Variants in SCN9A observed in about 807,000 individuals in gnomAD.
SCN9A encodes sodium voltage-gated channel alpha subunit 9, also known as sodium channel protein type 9 subunit alpha.
SCN9A carries 131 observed loss-of-function variants against 187.0 expected under a neutral mutation model. The ratio of observed to expected loss-of-function variants is 0.70; its 90% CI spans 0.61 to 0.81. SCN9A has a LOEUF of 0.81. SCN9A is among the 30% of genes least tolerant of loss of function. The pLI, the probability that SCN9A is intolerant of heterozygous loss-of-function variation, is 0.00. For synonymous variants in SCN9A, 809 were observed against 808.6 expected, an observed-to-expected ratio of 1.00 and a Z score of -0.01; for missense variants, 2,252 against 2,396.6, an observed-to-expected ratio of 0.94 and a Z score of 1.26.
intron 1 of SCN9A, among the ~76,000 whole-genome samples, chr2:166,346,129 G>A (rs12999243): frequency 0.21 from 31,244 of 151,968 alleles, 4,017 homozygotes; most frequent in African/African-American, 0.36. Context: ...TTACCACTTC[G>A]TGAAAAGAGT....
chr2:166,227,394 T>C (rs1164820592), intron 23 of SCN9A, among the ~76,000 whole-genome samples: 6 of 152,162 alleles, frequency 3.9e-5, no homozygotes, highest in Admixed American at 2.6e-4. Flanking sequence ...GATAGATTCA[T>C]TAAATTATAG....
chr2:166,263,505 A>G (rs771961420), intron 17 of SCN9A, among the ~76,000 whole-genome samples: 2 of 151,970 alleles, frequency 1.3e-5, no homozygotes, highest in Non-Finnish European at 2.9e-5. Context: ...GTTCAAATTT[A>G]TGATGCCACC....
chr2:166,286,015 A>C (rs894505487), intron 11 of SCN9A, among the ~76,000 whole-genome samples: 3 of 152,200 alleles, frequency 2.0e-5, no homozygotes, highest in African/African-American at 7.2e-5. Flanking sequence ...CACAGACTAA[A>C]TACAAATATA....
chr2:166,231,489 T>G lies in SCN9A; in HGVS notation c.3924+1851A>C, dbSNP rs116127297. 5.6e-3 allele frequency among the ~76,000 whole-genome samples: 851 copies of G among 151,892 alleles called. 10 individuals are homozygous for G. The highest frequency in any genetic ancestry group is 0.02 in the African/African-American group (813 of 41,380). ...CTTGAGGCTGGTTAAAACCCAAGTT[T>G]CTTATCCCCATCCTGGAGTTTCTGA... On this transcript the variant is annotated intron_variant, in intron 21 of 26. Coordinates refer to ENST00000642356, the MANE Select transcript of SCN9A (RefSeq NM_001365536.1).
At chr2:166,295,609 C>T (rs1698264792) in intron 7 of SCN9A, among the ~76,000 whole-genome samples, 3 of 152,116 alleles carry the variant, frequency 2.0e-5, no homozygotes, top group African/African-American at 7.2e-5. Flanking sequence ...TATGAGATCA[C>T]CATTATATAT....
intron 1 of SCN9A, among the ~76,000 whole-genome samples, chr2:166,321,666 A>G (rs1293700568): frequency 1.3e-5 from 2 of 152,154 alleles, no homozygotes; most frequent in Non-Finnish European, 2.9e-5. Flanking sequence ...GAGAGAAGGA[A>G]GATGATAAAC....
chr2:166,265,117 TAA>T (rs1251839614), intron 17 of SCN9A, among the ~76,000 whole-genome samples: 2 of 151,968 alleles, frequency 1.3e-5, no homozygotes, highest in Non-Finnish European at 2.9e-5. Flanking sequence ...ACATTATGGT[TAA>T]CTCTAGTCAT....
intron 10 of SCN9A, among the ~76,000 whole-genome samples, chr2:166,288,058 T>C (rs1160212026): frequency 1.4e-5 from 2 of 146,076 alleles, no homozygotes; most frequent in African/African-American, 5.0e-5. Context: ...TTCCTCATGA[T>C]ATAATAATTT....
intron 1 of SCN9A, among the ~76,000 whole-genome samples, chr2:166,320,888 C>A (rs1451562545): frequency 6.6e-6 from 1 of 151,964 alleles, no homozygotes; most frequent in Non-Finnish European, 1.5e-5. Flanking sequence ...GGCTATTGAC[C>A]AGGGTATACA....
chr2:166,272,015 G>C (rs2106459434), intron 17 of SCN9A, among the ~76,000 whole-genome samples: 1 of 152,208 alleles, frequency 6.6e-6, no homozygotes, highest in Admixed American at 6.5e-5. Context: ...GGCATCAGTT[G>C]AGACTCTGCT....
chr2:166,319,802 A>C (rs1699194309), intron 1 of SCN9A, among the ~76,000 whole-genome samples: 1 of 152,146 alleles, frequency 6.6e-6, no homozygotes, highest in African/African-American at 2.4e-5. Flanking sequence ...ATAGCTTACA[A>C]AAATTGAGAG....
At chr2:166,292,534 A>C (rs960297423) in intron 9 of SCN9A, among the ~76,000 whole-genome samples, 1 of 152,072 alleles carries the variant, frequency 6.6e-6, no homozygotes, top group Non-Finnish European at 1.5e-5. Flanking sequence ...AGAAAAAAAA[A>C]CAGATCTGCA....
intron 7 of SCN9A, among the ~76,000 whole-genome samples, chr2:166,297,220 A>AAAAAAAAAAAAAAAAAAAG (rs1698352237): frequency 6.9e-6 from 1 of 144,794 alleles, no homozygotes; most frequent in Non-Finnish European, 1.5e-5. Context: ...AAAAAAAAAA[A>AAAAAAAAAAAAAAAAAAAG]AAAAAAAGAA....
chr2:166,323,505 A>G (rs1195279743), intron 1 of SCN9A, among the ~76,000 whole-genome samples: 1 of 152,078 alleles, frequency 6.6e-6, no homozygotes, highest in African/African-American at 2.4e-5. Flanking sequence ...AAAATTGTAA[A>G]TCCTCTAAAA....
chr2:166,206,652 T>G (rs1558947800), intron 24 of SCN9A, among the ~76,000 whole-genome samples: 1 of 152,072 alleles, frequency 6.6e-6, no homozygotes, highest in Non-Finnish European at 1.5e-5. Context: ...CCCTAGAACT[T>G]AAAGTATAAT....
rs1553489765 is a variant in SCN9A, at chr2:166,284,555, G to C, written c.1872C>G (p.Cys624Trp). 6.2e-7 allele frequency: 1 copy of C among 1,614,048 alleles called. No homozygotes were observed. Among genetic ancestry groups the C allele is most frequent in the African/African-American group, 1.3e-5 (1 of 74,922 alleles). The change falls in exon 12 of 27, where the codon TGC becomes TGG. Residue 624 changes from cysteine (C) to tryptophan (W), a missense_variant. Physicochemically the swap from Cys to Trp is radical, Grantham distance 215. Coordinates refer to ENST00000642356, the MANE Select transcript of SCN9A (RefSeq NM_001365536.1). The part of the protein sequence containing the change: ...VNGKMHSAVD[C>W]NGVVSLVDGR... ...CATCAACCAGGGAGACCACACCGTT[G>C]CAGTCCACAGCACTGTGCATTTTCC... is the stretch of plus-strand genomic sequence containing the variant.
intron 17 of SCN9A, among the ~76,000 whole-genome samples, chr2:166,255,027 A>G (rs1696204784): frequency 6.6e-6 from 1 of 151,380 alleles, no homozygotes; most frequent in Non-Finnish European, 1.5e-5. Context: ...TTAAATGTAT[A>G]ATAGTATTTA....
chr2:166,308,296 C>A (rs981647600), intron 2 of SCN9A, among the ~76,000 whole-genome samples: 1 of 152,048 alleles, frequency 6.6e-6, no homozygotes, highest in East Asian at 1.9e-4. Context: ...CTCTGTGTCC[C>A]CGCCCAAATC....
At chr2:166,292,525 GA>G (rs71031235) in intron 9 of SCN9A, among the ~76,000 whole-genome samples, 2 of 148,892 alleles carry the variant, frequency 1.3e-5, no homozygotes, top group African/African-American at 2.5e-5. Flanking sequence ...GGCCAAAAAA[GA>G]AAAAAAAACA....
Sources: gnomAD v4.1 joint callset for allele counts (sites outside exome capture counted in the v4.1 genomes callset) on GRCh38, gnomAD v4.1.1 for gene constraint, MANE v1.5 for transcripts, NCBI Gene and HGNC (gene_info 2026-07-23, HGNC 2026-07-21) for gene names.